The following PRKG1 variants were observed in gnomAD, a reference collection of about 807,000 sequenced individuals.
The protein encoded by PRKG1 is protein kinase cGMP-dependent 1, also known as cGMP-dependent protein kinase 1.
In PRKG1, 35 loss-of-function variants were observed where a neutral mutation model predicts 88.1. The ratio of observed to expected loss-of-function variants is 0.40; its 90% confidence interval spans 0.30 to 0.53. PRKG1 has a LOEUF of 0.53. PRKG1 is among the 20% of genes least tolerant of loss of function. The pLI is 0.59. For missense variants in PRKG1, 540 were observed against 839.8 expected, an observed-to-expected ratio of 0.64 and a Z score of 4.41; for synonymous variants, 303 against 292.5, an observed-to-expected ratio of 1.04 and a Z score of -0.37.
chr10:51,808,351 C>T (rs1172683328), intron 4 of PRKG1, among the ~76,000 whole-genome samples: 2 of 152,206 alleles, frequency 1.3e-5, no homozygotes, highest in East Asian at 3.9e-4. Context: ...AATCTCAGCA[C>T]TTTGAGATGC....
At chr10:51,219,815 A>T (rs1419596076) in intron 2 of PRKG1, among the ~76,000 whole-genome samples, 2 of 152,172 alleles carry the variant, frequency 1.3e-5, no homozygotes, top group Admixed American at 1.3e-4. Context: ...TAATGAGTGG[A>T]TATCTAAGGT....
At chr10:51,743,021 C>T (rs776003077) in intron 3 of PRKG1, among the ~76,000 whole-genome samples, 2 of 152,004 alleles carry the variant, frequency 1.3e-5, no homozygotes, top group Non-Finnish European at 2.9e-5. Context: ...ACGTTCAGCA[C>T]ATGTATCCCA....
At chr10:51,871,272 A>G (rs568267487) in intron 4 of PRKG1, among the ~76,000 whole-genome samples, 10 of 152,194 alleles carry the variant, frequency 6.6e-5, no homozygotes, top group Non-Finnish European at 1.3e-4. Flanking sequence ...CTGTATGGTC[A>G]CTGTTAGTAG....
chr10:51,192,880 C>G (rs757514257), intron 2 of PRKG1, among the ~76,000 whole-genome samples: 1 of 151,938 alleles, frequency 6.6e-6, no homozygotes, highest in Non-Finnish European at 1.5e-5. Flanking sequence ...ACTCACTCAC[C>G]CATTCAGTCT....
At chr10:52,247,175 A>C (rs1210890912) in intron 9 of PRKG1, among the ~76,000 whole-genome samples, 1 of 152,146 alleles carries the variant, frequency 6.6e-6, no homozygotes, top group Non-Finnish European at 1.5e-5. Context: ...AATAATAATA[A>C]CAATAATAAT....
intron 2 of PRKG1, among the ~76,000 whole-genome samples, chr10:51,399,327 C>T (rs572307965): frequency 5.7e-4 from 86 of 152,210 alleles, no homozygotes; most frequent in African/African-American, 2.1e-3. Context: ...CTTATTGGTT[C>T]TGTTTCTCCG....
At chr10:51,705,933 T>C (rs1346290216) in intron 3 of PRKG1, among the ~76,000 whole-genome samples, 2 of 152,194 alleles carry the variant, frequency 1.3e-5, no homozygotes, top group Non-Finnish European at 2.9e-5. Flanking sequence ...ATTTCATAAG[T>C]AGTACAGTAA....
In PRKG1 at chr10:51,722,433, T is replaced by C. The variant is rs1303635082; in HGVS notation, c.593-82152T>C. On this transcript the variant is annotated intron_variant, in intron 3 of 17. Transcript: ENST00000373980. ...TGTCCACAAGGAACTTCCTGAATGA[T>C]TATATTTATTTATCATATATATATT... Among the ~76,000 whole-genome samples the C allele has an allele frequency of 2.0e-5, 3 of 151,910 alleles. No homozygotes were observed. The East Asian group carries it at 5.8e-4, about 29-fold the overall frequency.
rs1205554753 is a variant in PRKG1 at position 51,858,419 on chromosome 10, A to G, written c.699-49088A>G. On this transcript the variant is annotated intron_variant, in intron 4 of 17. Transcript: ENST00000373980. Reference sequence around the variant, plus strand: ...TATATAATATATATAAAATATATATATAATATATATATATAGTCTTAGTTA... The same window carrying G: ...TATATAATATATATAAAATATATATGTAATATATATATATAGTCTTAGTTA... 2.2e-5 allele frequency among the ~76,000 whole-genome samples: 2 copies of G among 89,974 alleles called. 1 individual carries two copies. Among genetic ancestry groups the G allele is most frequent in the Non-Finnish European group, 4.2e-5 (2 of 47,874 alleles). The allele number at this position is 89,974 out of a possible 152,430, so 59.0% of individuals were successfully genotyped here.
intron 9 of PRKG1, among the ~76,000 whole-genome samples, chr10:52,209,464 T>C (rs1839903948): frequency 6.6e-6 from 1 of 152,176 alleles, no homozygotes; most frequent in Non-Finnish European, 1.5e-5. Flanking sequence ...TATTACCAAT[T>C]CTTTCAAAAG....
Position 52,116,978 on chromosome 10 carries a change from C to A in PRKG1, c.936-16862C>A, listed in dbSNP as rs1847701476. On this transcript the variant is annotated intron_variant, in intron 7 of 17. Transcript: ENST00000373980. ...GCTTTTCTAACCACTATGTTCTACT[C>A]TCTCATTGTAAAGATATCCTGTGAG... is the stretch of plus-strand genomic sequence containing the variant. Among the ~76,000 whole-genome samples the A allele has an allele frequency of 2.0e-5, 3 of 152,004 alleles. No individual in the cohort carries two copies. The South Asian group carries it at 6.2e-4, about 32-fold the overall frequency.
intron 3 of PRKG1, among the ~76,000 whole-genome samples, chr10:51,677,559 C>A (rs917639443): frequency 1.6e-4 from 24 of 152,164 alleles, no homozygotes; most frequent in African/African-American, 5.5e-4. Context: ...TCTGCCACAA[C>A]AGAACAGTAA....
chr10:51,114,435 C>CTCTGTGTG (rs778142908), intron 1 of PRKG1, among the ~76,000 whole-genome samples: 3 of 38,022 alleles, frequency 7.9e-5, no homozygotes, highest in Admixed American at 2.9e-4. Context: ...CCATGAGTGA[C>CTCTGTGTG]TCTGTGTGTG....
At chr10:51,312,853 T>C (rs1004194541) in intron 2 of PRKG1, among the ~76,000 whole-genome samples, 10 of 152,182 alleles carry the variant, frequency 6.6e-5, no homozygotes, top group African/African-American at 2.4e-4. Context: ...GTAGGACATA[T>C]TGCCAAATTT....
intron 1 of PRKG1, among the ~76,000 whole-genome samples, chr10:51,088,381 ATTGGTT>A (rs1045685739): frequency 7.7e-6 from 1 of 130,518 alleles, no homozygotes; most frequent in African/African-American, 2.9e-5. Flanking sequence ...ATTTCTATGG[ATTGGTT>A]TTCAGTTTTT....
At chr10:52,265,003 T>C (rs1195717797) in intron 10 of PRKG1, among the ~76,000 whole-genome samples, 1 of 152,082 alleles carries the variant, frequency 6.6e-6, no homozygotes, top group East Asian at 1.9e-4. Context: ...TTGCCACATG[T>C]TTTTTGGGCC....
intron 2 of PRKG1, among the ~76,000 whole-genome samples, chr10:51,404,018 A>G (rs1200176265): frequency 2.6e-5 from 4 of 152,158 alleles, no homozygotes; most frequent in African/African-American, 9.7e-5. Context: ...GATACTTAAC[A>G]TTTTGTTGAA....
intron 5 of PRKG1, among the ~76,000 whole-genome samples, chr10:52,035,932 G>A (rs940195877): frequency 6.6e-6 from 1 of 152,320 alleles, no homozygotes; most frequent in African/African-American, 2.4e-5. Context: ...CCTGGCTCTT[G>A]TGTAAGAATT....
At chr10:52,265,446 A>G (rs1263102228) in intron 10 of PRKG1, among the ~76,000 whole-genome samples, 3 of 152,154 alleles carry the variant, frequency 2.0e-5, no homozygotes, top group Non-Finnish European at 2.9e-5. Flanking sequence ...TAATTAAGAT[A>G]TTGACAGTGC....
Sources: allele counts gnomAD v4.1 joint callset (sites outside exome capture counted in the v4.1 genomes callset), GRCh38; gene constraint gnomAD v4.1.1; transcripts MANE v1.5; gene names NCBI Gene and HGNC (gene_info 2026-07-23, HGNC 2026-07-21).